Variants in TNRC6B observed in about 807,000 individuals in gnomAD.
TNRC6B encodes trinucleotide repeat-containing gene 6B protein.
Under a neutral mutation model 203.6 loss-of-function variants are expected in TNRC6B, and 52 were observed. That is an observed-to-expected ratio of 0.26 (90% confidence interval 0.20 to 0.32). The LOEUF (loss-of-function observed/expected upper bound fraction) is 0.32, where lower values mean the gene tolerates loss of function less well. TNRC6B is among the 10% of genes least tolerant of loss of function. The probability of loss-of-function intolerance (pLI) is 1.00; values close to 1 mark genes in which losing one functional copy is unlikely to be tolerated. For missense variants in TNRC6B, 1,923 were observed against 2,286.2 expected, an observed-to-expected ratio of 0.84 and a Z score of 3.24; for synonymous variants, 838 against 845.7, an observed-to-expected ratio of 0.99 and a Z score of 0.16.
In TNRC6B at chr22:40,325,556, T is replaced by G. The variant is rs1303533279; in HGVS notation, c.*2315T>G. Reference sequence around the variant, plus strand: ...CGCTGGGTGCCTTGAGCATGCCCTCTTCCTGCTCTGCAATTTGAATCACCA... The same window carrying G: ...CGCTGGGTGCCTTGAGCATGCCCTCGTCCTGCTCTGCAATTTGAATCACCA... On this transcript the variant is annotated 3_prime_UTR_variant, in exon 23 of 23. Coordinates refer to ENST00000454349, the MANE Select transcript of TNRC6B (RefSeq NM_001162501.2). 1 of 152,440 alleles carries G rather than the reference T, an allele frequency of 6.6e-6. No homozygotes were observed. The highest frequency in any genetic ancestry group is 1.9e-4 in the East Asian group (1 of 5,202). The allele number at this position is 152,440 out of a possible 1,614,324, so 9.4% of individuals were successfully genotyped here. A position where few individuals can be genotyped will look rare whatever the true frequency, so the allele number is the denominator to read the frequency against.
At chr22:40,270,037 G>T in intron 5 of TNRC6B, 85 bp from the exon 6 acceptor site, 1 of 1,355,316 alleles carries the variant, frequency 7.4e-7, no homozygotes, top group Non-Finnish European at 1.0e-6. Flanking sequence ...ATATAGGCAT[G>T]CCTGTTCCTT....
intron 1 of TNRC6B, among the ~76,000 whole-genome samples, chr22:40,230,017 C>CT (rs1343936961): frequency 2.0e-5 from 3 of 152,126 alleles, no homozygotes; most frequent in African/African-American, 7.2e-5. Context: ...GTATGTTTAG[C>CT]TTTTTAAGAA....
intron 3 of TNRC6B, among the ~76,000 whole-genome samples, chr22:40,140,874 C>T (rs959611543): frequency 3.9e-5 from 6 of 152,100 alleles, no homozygotes; most frequent in African/African-American, 1.4e-4. Flanking sequence ...CTCCTGACCT[C>T]AAGCAATCTG....
chr22:40,220,224 T>C (rs1486527251), intron 1 of TNRC6B, among the ~76,000 whole-genome samples: 1 of 152,132 alleles, frequency 6.6e-6, no homozygotes, highest in East Asian at 1.9e-4. Context: ...TAGCAGGGAA[T>C]CCTTGTTGAA....
rs988728339 is a variant in TNRC6B at position 40,269,650 on chromosome 22, A to T, written c.2807-472A>T. On this transcript the variant is annotated intron_variant, in intron 5 of 22. Coordinates refer to ENST00000454349, the MANE Select transcript of TNRC6B (RefSeq NM_001162501.2). ...GTAATCCCAGCACTTTGGGAGGCTGAGCCAGGCAGATCACAAGGTCAGGAG... is the reference window on the plus strand; with the variant it reads ...GTAATCCCAGCACTTTGGGAGGCTGTGCCAGGCAGATCACAAGGTCAGGAG... 3.9e-5 allele frequency among the ~76,000 whole-genome samples: 6 copies of T among 152,120 alleles called. No individual in the cohort carries two copies. The East Asian group carries it at 1.2e-3, about 29-fold the overall frequency.
chr22:40,321,090 A>G lies in TNRC6B; in HGVS notation c.4975A>G (p.Ile1659Val). The G allele has an allele frequency of 6.2e-7, 1 of 1,613,902 alleles. No individual in the cohort carries two copies. The highest frequency in any genetic ancestry group is 8.5e-7 in the Non-Finnish European group (1 of 1,179,866). ...TCTCATGAATGTCATTACTCCTTAG[A>G]TTGATGGGTCAACCTTGAGAACGAT... ...WLVLHNLTPQ[I>V]DGSTLRTICM... Residue 1659 changes from isoleucine to valine, a missense_variant and splice_region_variant, in exon 22 of 23, where the codon ATT becomes GTT. By Grantham distance (29) the Ile-to-Val change is conservative. This residue lies in a region of TNRC6B where 34 missense variants were observed against 98.5 expected (regional missense o/e 0.35). Transcript: ENST00000454349.
intron 1 of TNRC6B, among the ~76,000 whole-genome samples, chr22:40,108,306 A>G (rs1471376916): frequency 6.6e-6 from 1 of 152,186 alleles, no homozygotes; most frequent in Non-Finnish European, 1.5e-5. Context: ...AGCCCGGCAG[A>G]ACCCTGCCTT....
intron 3 of TNRC6B, among the ~76,000 whole-genome samples, chr22:40,148,904 C>T (rs957172940): frequency 6.6e-6 from 1 of 152,176 alleles, no homozygotes; most frequent in African/African-American, 2.4e-5. Context: ...TCCCTCACAG[C>T]TCTCAGAGGG....
At chr22:40,223,756 TA>T (rs2069747466) in intron 1 of TNRC6B, among the ~76,000 whole-genome samples, 1 of 152,224 alleles carries the variant, frequency 6.6e-6, no homozygotes. Flanking sequence ...GCCACATGTG[TA>T]ATTCTTTTCC....
At position 40,301,132 on chromosome 22, in the gene TNRC6B, G is replaced by C. The variant is rs372058995; in HGVS notation, c.3937-18G>C. 2.5e-5 allele frequency: 39 copies of C among 1,552,620 alleles called. No individual in the cohort carries two copies. The highest frequency in any genetic ancestry group is 3.4e-5 in the Non-Finnish European group (39 of 1,147,568). ...TCGGGGCCGTGCTTATCACGTGTCT[G>C]TCTCTCTTGGCCCTCAGCTGGCTCG... On this transcript the variant is annotated intron_variant, in intron 14 of 22. Transcript: ENST00000454349.
chr22:40,236,457 C>G (rs1776597585), intron 1 of TNRC6B, among the ~76,000 whole-genome samples: 1 of 152,020 alleles, frequency 6.6e-6, no homozygotes, highest in Non-Finnish European at 1.5e-5. Flanking sequence ...TCTTTTTAAT[C>G]TTTTACAGTA....
At chr22:40,075,768 T>C (rs1297388706) in intron 1 of TNRC6B, among the ~76,000 whole-genome samples, 1 of 150,968 alleles carries the variant, frequency 6.6e-6, no homozygotes, top group Non-Finnish European at 1.5e-5. Context: ...TATAAACCTT[T>C]GTTTTACTTT....
chr22:40,056,239 G>A (rs188825285), intron 1 of TNRC6B, among the ~76,000 whole-genome samples: 1 of 152,256 alleles, frequency 6.6e-6, no homozygotes, highest in Non-Finnish European at 1.5e-5. Flanking sequence ...CATATTCAGA[G>A]CTTGATATTT....
intron 4 of TNRC6B, among the ~76,000 whole-genome samples, chr22:40,159,731 AAAC>A (rs1368357408): frequency 2.6e-5 from 4 of 152,160 alleles, no homozygotes; most frequent in Non-Finnish European, 4.4e-5. Context: ...GTACATTTTT[AAAC>A]AACAATTAAA....
At chr22:40,079,058 G>T (rs1005105088) in intron 1 of TNRC6B, among the ~76,000 whole-genome samples, 1 of 151,546 alleles carries the variant, frequency 6.6e-6, no homozygotes, top group African/African-American at 2.4e-5. Context: ...TGGGCGACAA[G>T]CATGAAACTC....
rs1464653623 is a variant in TNRC6B, at chr22:40,286,332, G to T, written c.3708+562G>T. 2.6e-5 allele frequency among the ~76,000 whole-genome samples: 4 copies of T among 152,166 alleles called. No individual in the cohort carries two copies. The East Asian group carries it at 7.7e-4, about 29-fold the overall frequency. On this transcript the variant is annotated intron_variant, in intron 12 of 22. Transcript: ENST00000454349. Reference sequence around the variant, plus strand: ...TGTTTCTGCCAAAAAACACAAATTAGCCAGGCATAAAGAACAAAACAAAAA... The same window carrying T: ...TGTTTCTGCCAAAAAACACAAATTATCCAGGCATAAAGAACAAAACAAAAA...
In TNRC6B at chr22:40,308,369, T is replaced by C; in HGVS notation, c.4121-143T>C. The C allele has an allele frequency of 5.2e-6, 5 of 952,702 alleles. No homozygotes were observed. In the South Asian group the frequency reaches 5.8e-5, roughly 11 times the overall value. 59.0% of individuals were successfully genotyped at this position (952,702 alleles called of 1,614,324 possible). ...AGCGAGCAAGAGCCAAGATCAAAGC[T>C]TGGAATCAAAAATACCTGTTTCTGA... On this transcript the variant is annotated intron_variant, in intron 15 of 22. Transcript: ENST00000454349.
intron 3 of TNRC6B, among the ~76,000 whole-genome samples, chr22:40,139,790 T>TTA (rs1371308168): frequency 6.6e-6 from 1 of 152,250 alleles, no homozygotes; most frequent in African/African-American, 2.4e-5. Flanking sequence ...TTTCTCTTAG[T>TTA]TATATACCTA....
At position 40,155,311 on chromosome 22, in the gene TNRC6B, C is replaced by T. The variant is rs546642434; in HGVS notation, c.46-804C>T. On this transcript the variant is annotated intron_variant, in intron 3 of 23. Transcript: ENST00000301923. ...TTGTTGTTGTTGTTGTTGGGGGAGA[C>T]GGAGTCTTGCTCTGTCGCCCAGGCT... Among the ~76,000 whole-genome samples the T allele has an allele frequency of 3.2e-4, 48 of 152,090 alleles. 2 individuals are homozygous for T. The South Asian group carries it at 8.9e-3, about 28-fold the overall frequency.
Sources: allele counts gnomAD v4.1 joint callset (sites outside exome capture counted in the v4.1 genomes callset), GRCh38; gene constraint gnomAD v4.1.1; regional missense constraint gnomAD v4.1.1; transcripts MANE v1.5; gene names NCBI Gene and HGNC (gene_info 2026-07-23, HGNC 2026-07-21).